CHD7: variants seen among roughly 807,000 people sequenced by gnomAD.
The protein encoded by CHD7 is ATP-dependent chromatin remodeler CHD7.
In CHD7, 24 loss-of-function variants were observed where a neutral mutation model predicts 307.3. The observed-to-expected ratio is 0.08, with a 90% CI of 0.06 to 0.11. The LOEUF is 0.11. Among genes scored for constraint, CHD7 ranks in the 10% least tolerant of loss-of-function variants. CHD7 has a pLI of 1.00. For missense variants in CHD7, 3,106 were observed against 3,727.1 expected (o/e 0.83, Z 4.34); for synonymous variants, 1,363 against 1,349.9 (o/e 1.01, Z -0.21).
chr8:60,858,913 C>G (rs13256570), intron 34 of CHD7, among the ~76,000 whole-genome samples: 1 of 152,092 alleles, frequency 6.6e-6, no homozygotes, highest in Non-Finnish European at 1.5e-5. Context: ...ATTTGGATCA[C>G]GACACAGCTT....
intron 36 of CHD7, 63 bp downstream of exon 36, chr8:60,862,399 TC>T: frequency 6.5e-7 from 1 of 1,539,190 alleles, no homozygotes; most frequent in Non-Finnish European, 8.8e-7. Flanking sequence ...AAGTGTTTTA[TC>T]CTGCCTTCTT....
rs1175584387 is a variant in CHD7, at chr8:60,856,763, A to G, written c.7483A>G (p.Arg2495Gly). 5 of 1,614,028 alleles carry G rather than the reference A, an allele frequency of 3.1e-6. No individual in the cohort carries two copies. The East Asian group carries it at 6.7e-5, about 22-fold the overall frequency. Residue 2495 changes from arginine to glycine, a missense_variant, in exon 34 of 38, where the codon AGG becomes GGG. By Grantham distance (125) the Arg-to-Gly change is moderately radical. Around this residue, in one of 10 missense-constraint regions of CHD7, gnomAD observed 1,030 missense variants for 1,165.4 expected, o/e 0.88. Coordinates refer to ENST00000423902, the MANE Select transcript of CHD7 (RefSeq NM_017780.4). ...AGCAGGCCTTTCGCGCACACCCACA[A>G]GGCATCTCCTTAATGGCTCCCTAGT... Reference protein sequence around the residue: ...LQAGLSRTPTRHLLNGSLVDG... With the variant: ...LQAGLSRTPTGHLLNGSLVDG...
intron 1 of CHD7, among the ~76,000 whole-genome samples, chr8:60,698,775 C>T (rs1011489577): frequency 2.0e-5 from 3 of 152,166 alleles, no homozygotes; most frequent in African/African-American, 4.8e-5. Context: ...GACTTTTCTT[C>T]TCTTCTCTTT....
At chr8:60,817,063 G>T (rs1028944449) in intron 8 of CHD7, among the ~76,000 whole-genome samples, 1 of 152,182 alleles carries the variant, frequency 6.6e-6, no homozygotes, top group African/African-American at 2.4e-5. Context: ...AAGAACATCT[G>T]CATTTACTAG....
chr8:60,729,297 T>A (rs1243795564), intron 1 of CHD7, among the ~76,000 whole-genome samples: 1 of 152,214 alleles, frequency 6.6e-6, no homozygotes, highest in African/African-American at 2.4e-5. Context: ...GAGTGAGATA[T>A]GTGGTCTGTC....
rs1001632406 is a variant in CHD7 at position 60,850,508 on chromosome 8, A to C, written c.5420A>C (p.Asn1807Thr). The change falls in exon 26 of 38, where the codon AAC (asparagine) becomes ACC (threonine). Residue 1807 changes from asparagine (N) to threonine (T), a missense_variant. Asn to Thr is a moderately conservative substitution (Grantham distance 65, BLOSUM62 0). Transcript: ENST00000423902. ...CACGGCACAGGCTATGAGAAGTACA[A>C]CTCCATGCGAGCTGACCCCGCGCTG... Reference protein sequence around the residue: ...GVFKHGYEKYNSMRADPALCF... With the variant: ...GVFKHGYEKYTSMRADPALCF... 3 of 1,613,180 alleles carry C rather than the reference A, an allele frequency of 1.9e-6. No homozygotes were observed. Among genetic ancestry groups the C allele is most frequent in the Non-Finnish European group, 1.7e-6 (2 of 1,179,408 alleles).
At chr8:60,753,056 A>C (rs1272195751) in intron 2 of CHD7, among the ~76,000 whole-genome samples, 2 of 152,228 alleles carry the variant, frequency 1.3e-5, no homozygotes, top group Non-Finnish European at 2.9e-5. Flanking sequence ...TGGCTGCTCA[A>C]ATATGTCAGA....
chr8:60,779,244 T>C (rs745500076), intron 2 of CHD7, among the ~76,000 whole-genome samples: 1 of 152,198 alleles, frequency 6.6e-6, no homozygotes, highest in Non-Finnish European at 1.5e-5. Context: ...CCAGATGATA[T>C]AGCTGACGGT....
At chr8:60,754,477 C>CT (rs1223387903) in intron 2 of CHD7, among the ~76,000 whole-genome samples, 2 of 152,080 alleles carry the variant, frequency 1.3e-5, no homozygotes, top group Non-Finnish European at 2.9e-5. Flanking sequence ...GGAATTCTTT[C>CT]TTTTTTTACC....
At chr8:60,725,729 A>G (rs2150552341) in intron 1 of CHD7, among the ~76,000 whole-genome samples, 1 of 152,258 alleles carries the variant, frequency 6.6e-6, no homozygotes, top group East Asian at 1.9e-4. Flanking sequence ...TTAGGGAGAG[A>G]TTGTGTGCTG....
At chr8:60,784,037 G>A (rs983850379) in intron 3 of CHD7, among the ~76,000 whole-genome samples, 6 of 152,152 alleles carry the variant, frequency 3.9e-5, no homozygotes, top group African/African-American at 1.2e-4. Context: ...TTGTGGTCTC[G>A]TTGTTCTACT....
At chr8:60,800,308 A>C in intron 4 of CHD7, 80 bp from the exon 5 acceptor site, 2 of 1,440,300 alleles carry the variant, frequency 1.4e-6, no homozygotes, top group Non-Finnish European at 1.9e-6. Context: ...CTGGGATTAC[A>C]GGCGTGAGCC....
chr8:60,686,430 A>G (rs1339080661), intron 1 of CHD7, among the ~76,000 whole-genome samples: 4 of 152,042 alleles, frequency 2.6e-5, no homozygotes, highest in Non-Finnish European at 4.4e-5. Flanking sequence ...GTAAGAGATC[A>G]TTTCTAAGAG....
chr8:60,785,692 A>T (rs1488340174), intron 3 of CHD7, among the ~76,000 whole-genome samples: 1 of 152,186 alleles, frequency 6.6e-6, no homozygotes, highest in Non-Finnish European at 1.5e-5. Flanking sequence ...AAAATTTCTT[A>T]ATAGAGATTA....
intron 14 of CHD7, among the ~76,000 whole-genome samples, chr8:60,829,229 A>T (rs1357904595): frequency 1.3e-5 from 2 of 152,206 alleles, no homozygotes; most frequent in Non-Finnish European, 2.9e-5. Context: ...CTTCAAGCCT[A>T]CGTATTTTCA....
At chr8:60,776,502 G>A (rs571787596) in intron 2 of CHD7, among the ~76,000 whole-genome samples, 2 of 152,288 alleles carry the variant, frequency 1.3e-5, no homozygotes, top group African/African-American at 4.8e-5. Flanking sequence ...GTTCAAGCTG[G>A]TTCCTCTGCC....
intron 1 of CHD7, among the ~76,000 whole-genome samples, chr8:60,680,198 G>A (rs1016615122): frequency 6.6e-6 from 1 of 151,902 alleles, no homozygotes; most frequent in Non-Finnish European, 1.5e-5. Context: ...AGAGAGCCGC[G>A]GCTTGGAGCG....
intron 3 of CHD7, among the ~76,000 whole-genome samples, chr8:60,782,116 G>A (rs1483124552): frequency 6.6e-6 from 1 of 152,070 alleles, no homozygotes; most frequent in African/African-American, 2.4e-5. Flanking sequence ...TTTTTCATTT[G>A]TAGTGAATGT....
intron 2 of CHD7, among the ~76,000 whole-genome samples, chr8:60,751,538 A>G (rs1809641918): frequency 2.0e-5 from 3 of 152,236 alleles, no homozygotes; most frequent in South Asian, 4.1e-4. Context: ...CTGTAAATCT[A>G]TAGATAATCC....
Sources: allele counts gnomAD v4.1 joint callset (sites outside exome capture counted in the v4.1 genomes callset), GRCh38; gene constraint gnomAD v4.1.1; regional missense constraint gnomAD v4.1.1; transcripts MANE v1.5; gene names NCBI Gene and HGNC (gene_info 2026-07-23, HGNC 2026-07-21).